Variants in TPRA1 observed in about 807,000 individuals in gnomAD.
TPRA1 encodes the protein transmembrane protein adipocyte-associated 1.
A neutral mutation model predicts 40.1 loss-of-function variants in TPRA1; 28 were observed. The ratio of observed to expected loss-of-function variants is 0.70; its 90% confidence interval spans 0.52 to 0.96. The LOEUF (loss-of-function observed/expected upper bound fraction) is 0.96. TPRA1 is among the 40% of genes least tolerant of loss of function. The pLI is 0.00. For synonymous variants in TPRA1, 219 were observed against 209.7 expected, an observed-to-expected ratio of 1.04 and a Z score of -0.38; for missense variants, 441 against 482.6, an observed-to-expected ratio of 0.91 and a Z score of 0.81.
In TPRA1 at chr3:127,575,828, C is replaced by T. The variant is rs769705917; in HGVS notation, c.610-19G>A. 6.2e-6 allele frequency: 10 copies of T among 1,613,790 alleles called. No homozygotes were observed. The East Asian group carries it at 6.7e-5, about 11-fold the overall frequency. On this transcript the variant is annotated intron_variant, in intron 7 of 10. Transcript: ENST00000355552. ...AGTAGACCTACAGAGACAGGCAGGG[C>T]TGAGAAGGTGCTGGGGGCGCCAGCC...
chr3:127,574,558 C>T (rs193024257), intron 10 of TPRA1, among the ~76,000 whole-genome samples: 4 of 152,342 alleles, frequency 2.6e-5, no homozygotes, highest in Non-Finnish European at 5.9e-5. Context: ...AGTCTTCCCC[C>T]AACAGGGTAC....
chr3:127,590,322 G>T (rs1157043067), intron 1 of TPRA1, 88 bp downstream of exon 1: 3 of 152,346 alleles, frequency 2.0e-5, no homozygotes. Context: ...GAGCAAGGAG[G>T]GGAACGGCGG....
In TPRA1 at chr3:127,573,610, C is replaced by T. The variant is rs1559828451; in HGVS notation, c.1033G>A (p.Ala345Thr). The change falls in exon 11 of 11, where the codon GCC becomes ACC. Residue 345 changes from alanine to threonine, a missense_variant. Coordinates refer to ENST00000355552, the MANE Select transcript of TPRA1 (RefSeq NM_001136053.4). ...ATGGAAGCGATGTCATCCAGGTAGG[C>T]CACCCCGCCGGCAGAGTCGAACTGC... Reference protein sequence around the residue: ...STQFDSAGGVAYLDDIASMPC... With the variant: ...STQFDSAGGVTYLDDIASMPC... 4 of 1,613,222 alleles carry T rather than the reference C, an allele frequency of 2.5e-6. No homozygotes were observed. The highest frequency in any genetic ancestry group is 3.4e-6 in the Non-Finnish European group (4 of 1,180,006).
rs202081837 is a variant in TPRA1, at chr3:127,573,789, C to G, written c.855-1G>C. On this transcript the variant is annotated splice_acceptor_variant, in intron 10 of 10. Transcript: ENST00000355552. LOFTEE classifies it high-confidence loss of function. ...GGAGAAGAGGATCTTGGGCTCCGAG[C>G]TGATAAAAGGAAAAGAGGGGCATGG... The G allele has an allele frequency of 6.4e-7, 1 of 1,556,992 alleles. No homozygotes were observed. Among genetic ancestry groups the G allele is most frequent in the East Asian group, 2.3e-5 (1 of 44,116 alleles).
At chr3:127,592,636 CG>C (rs2074198679), upstream of TPRA1, among the ~76,000 whole-genome samples, 1 of 152,068 alleles carries the variant, frequency 6.6e-6, no homozygotes, top group Non-Finnish European at 1.5e-5. Context: ...CCACCCGCCT[CG>C]GCCTCCCAAA....
intron 1 of TPRA1, 87 bp downstream of exon 1, chr3:127,590,323 G>A (rs1363282659): frequency 6.6e-6 from 1 of 152,248 alleles, no homozygotes; most frequent in African/African-American, 2.4e-5. Context: ...AGCAAGGAGG[G>A]GAACGGCGGC....
At chr3:127,583,145 C>CAA (rs745975427) in intron 1 of TPRA1, among the ~76,000 whole-genome samples, 20 of 79,988 alleles carry the variant, frequency 2.5e-4, no homozygotes, top group African/African-American at 7.8e-4. Flanking sequence ...GACTCCGTCT[C>CAA]AAAAAAAAAA....
upstream of TPRA1, among the ~76,000 whole-genome samples, chr3:127,591,453 G>C (rs2074168334): frequency 6.6e-6 from 1 of 152,210 alleles, no homozygotes; most frequent in Non-Finnish European, 1.5e-5. Context: ...CTTCACGCCT[G>C]TTCCTCTGGA....
Position 127,580,097 on chromosome 3 carries a change from G to A in TPRA1, c.50C>T (p.Pro17Leu), listed in dbSNP as rs780932554. The change falls in exon 2 of 11, where the codon CCC (proline) becomes CTC (leucine). Residue 17 changes from proline to leucine, a missense_variant. By Grantham distance (98) the Pro-to-Leu change is moderately conservative. Coordinates refer to ENST00000355552, the MANE Select transcript of TPRA1 (RefSeq NM_001136053.4). ...ACTGATGTTTGGTGCCAGGGGTGGG[G>A]GTAGCGCTGTGCTCCCATTGGCCCA... ...VTWANGSTAL[P>L]PPLAPNISVP... The A allele has an allele frequency of 6.2e-7, 1 of 1,613,796 alleles. No individual in the cohort carries two copies. The highest frequency in any genetic ancestry group is 8.5e-7 in the Non-Finnish European group (1 of 1,180,004).
Position 127,571,544 on chromosome 3 carries a change from T to A in TPRA1, c.*1977A>T, listed in dbSNP as rs1414684965. 6.6e-6 allele frequency: 1 copy of A among 152,258 alleles called. No homozygotes were observed. The highest frequency in any genetic ancestry group is 2.4e-5 in the African/African-American group (1 of 41,462). The allele number at this position is 152,258 out of a possible 1,614,324, so 9.4% of individuals were successfully genotyped here. On this transcript the variant is annotated 3_prime_UTR_variant, in exon 11 of 11. Transcript: ENST00000355552. The stretch of plus-strand genomic sequence containing the variant: ...ATAAATTGCCATATATCCATATATA[T>A]GTAGCTGCAGGGGTGAAGCAGTCCT...
chr3:127,587,675 CTTTT>C (rs1171996656), intron 1 of TPRA1, among the ~76,000 whole-genome samples: 4 of 129,732 alleles, frequency 3.1e-5, no homozygotes, highest in Admixed American at 7.8e-5. Flanking sequence ...TGCTGCTTTT[CTTTT>C]TTTTTTTTTT....
intron 10 of TPRA1, among the ~76,000 whole-genome samples, chr3:127,574,787 G>T (rs1417432297): frequency 2.6e-5 from 4 of 152,216 alleles, no homozygotes; most frequent in Admixed American, 2.0e-4. Context: ...GCATATATAT[G>T]TATGTATATG....
intron 10 of TPRA1, among the ~76,000 whole-genome samples, chr3:127,574,349 C>A (rs896572787): frequency 3.3e-5 from 5 of 152,224 alleles, no homozygotes; most frequent in Admixed American, 6.5e-5. Flanking sequence ...CTGATCCCCT[C>A]CCCACAAGAC....
At chr3:127,574,999 T>C (rs1576364630) in intron 10 of TPRA1, 186 bp downstream of exon 10, 1 of 646,802 alleles carries the variant, frequency 1.5e-6, no homozygotes, top group East Asian at 2.8e-5. Flanking sequence ...TGTGGGTGGG[T>C]GTGCGTATAT....
intron 1 of TPRA1, among the ~76,000 whole-genome samples, chr3:127,582,427 G>A (rs569040127): frequency 6.6e-6 from 1 of 152,248 alleles, no homozygotes; most frequent in South Asian, 2.1e-4. Flanking sequence ...TTGGCCGGGT[G>A]CGGAGGCTCA....
chr3:127,597,195 C>T (rs147033282), intron 1 of TPRA1, among the ~76,000 whole-genome samples: 2 of 152,150 alleles, frequency 1.3e-5, no homozygotes, highest in African/African-American at 4.8e-5. Context: ...ACCCTGGGTC[C>T]CAGGCAGAGA....
chr3:127,598,049 G>A (rs2074264591), exon 1 of TPRA1: 4 of 284,602 alleles, frequency 1.4e-5, no homozygotes, highest in Non-Finnish European at 2.7e-5. Flanking sequence ...CTTGTGATCC[G>A]CCCACCTCGG....
rs2073439645 is a variant in TPRA1 at position 127,573,440 on chromosome 3, G to A, written c.*81C>T. The A allele has an allele frequency of 5.3e-6, 8 of 1,509,988 alleles. No homozygotes were observed. The Admixed American group carries it at 1.4e-4, about 27-fold the overall frequency. 93.5% of individuals were successfully genotyped at this position (1,509,988 alleles called of 1,614,324 possible). A position where few individuals can be genotyped will look rare whatever the true frequency, so the allele number is the denominator to read the frequency against. The stretch of plus-strand genomic sequence containing the variant: ...GGCTACTGCCCACAGAACGTCCCTT[G>A]ACCTGGTCCTCCTCCCCTGGGGACT... On this transcript the variant is annotated 3_prime_UTR_variant, in exon 11 of 11. Transcript: ENST00000355552.
chr3:127,592,021 C>G (rs1433264187), upstream of TPRA1: 2 of 152,228 alleles, frequency 1.3e-5, no homozygotes, highest in Non-Finnish European at 2.9e-5. Context: ...CTGGACCACA[C>G]CCAAATGTGC....
Sources: gnomAD v4.1 joint callset for allele counts (sites outside exome capture counted in the v4.1 genomes callset) on GRCh38, gnomAD v4.1.1 for gene constraint, MANE v1.5 for transcripts, NCBI Gene and HGNC (gene_info 2026-07-23, HGNC 2026-07-21) for gene names.